The following DHRSX variants were observed in gnomAD, a reference collection of about 807,000 sequenced individuals.
DHRSX encodes the protein dehydrogenase/reductase X-linked.
Under a neutral mutation model 34.0 loss-of-function variants are expected in DHRSX, and 31 were observed. The ratio of observed to expected loss-of-function variants is 0.91; its 90% CI spans 0.69 to 1.23. The LOEUF is 1.23. Among genes scored for constraint, DHRSX ranks in the 50% most tolerant of loss-of-function variants. The pLI, the probability that DHRSX is intolerant of heterozygous loss-of-function variation, is 0.00. For missense variants in DHRSX, 414 were observed against 428.1 expected, an observed-to-expected ratio of 0.97 and a Z score of 0.29; for synonymous variants, 201 against 183.8, an observed-to-expected ratio of 1.09 and a Z score of -0.76.
chrX:2,448,515 G>T (rs77447338), intron 1 of DHRSX, among the ~76,000 whole-genome samples: 1 of 24,306 alleles, frequency 4.1e-5, no homozygotes, highest in Admixed American at 3.4e-4. Context: ...TTAGAGTTAA[G>T]GTTATGTGAA....
At chrX:2,359,784 G>A (rs768922806) in intron 3 of DHRSX, among the ~76,000 whole-genome samples, 7 of 152,270 alleles carry the variant, frequency 4.6e-5, no homozygotes, top group South Asian at 2.1e-4. Flanking sequence ...AAACATGGAT[G>A]GAGCTGGAGG....
intron 4 of DHRSX, among the ~76,000 whole-genome samples, chrX:2,286,152 T>C (rs1290647855): frequency 1.3e-5 from 2 of 151,176 alleles, no homozygotes; most frequent in African/African-American, 2.4e-5. Flanking sequence ...ATGCACAAAC[T>C]AAGGCATGCA....
At chrX:2,469,928 C>T (rs1424967556) in intron 1 of DHRSX, among the ~76,000 whole-genome samples, 1 of 152,088 alleles carries the variant, frequency 6.6e-6, no homozygotes, top group South Asian at 2.1e-4. Flanking sequence ...AGGAAATCAG[C>T]CCATCAATGG....
At chrX:2,361,530 G>A (rs1313384729) in intron 3 of DHRSX, among the ~76,000 whole-genome samples, 1 of 152,156 alleles carries the variant, frequency 6.6e-6, no homozygotes, top group African/African-American at 2.4e-5. Flanking sequence ...GTGGTTTATT[G>A]AGGTTCTTTG....
chrX:2,345,476 C>G (rs781273326), intron 3 of DHRSX, among the ~76,000 whole-genome samples: 7 of 151,762 alleles, frequency 4.6e-5, no homozygotes, highest in Non-Finnish European at 1.0e-4. Context: ...AACCTTGTCT[C>G]TACCAAAAAA....
chrX:2,463,155 C>G (rs767586103), intron 1 of DHRSX, among the ~76,000 whole-genome samples: 67 of 152,294 alleles, frequency 4.4e-4, no homozygotes, highest in African/African-American at 1.5e-3. Flanking sequence ...ATAAATGTCT[C>G]TAGTTTATAA....
At chrX:2,345,472 G>T (rs2042694384) in intron 3 of DHRSX, among the ~76,000 whole-genome samples, 1 of 151,702 alleles carries the variant, frequency 6.6e-6, no homozygotes, top group African/African-American at 2.4e-5. Context: ...GTGAAACCTT[G>T]TCTCTACCAA....
chrX:2,355,299 C>T (rs983764546), intron 3 of DHRSX, among the ~76,000 whole-genome samples: 69 of 152,180 alleles, frequency 4.5e-4, no homozygotes, highest in African/African-American at 1.6e-3. Flanking sequence ...ATTGCTTGAG[C>T]TCAGGAGTTT....
chrX:2,314,463 A>T (rs867622153), intron 3 of DHRSX, among the ~76,000 whole-genome samples: 2 of 84,096 alleles, frequency 2.4e-5, no homozygotes, highest in African/African-American at 1.6e-4. Context: ...GGGAGGAAGG[A>T]AGGGGAGAAG....
At chrX:2,475,315 AAC>A (rs1362334326) in intron 1 of DHRSX, among the ~76,000 whole-genome samples, 2 of 149,306 alleles carry the variant, frequency 1.3e-5, no homozygotes, top group Non-Finnish European at 3.0e-5. Flanking sequence ...TGCCACCAAG[AAC>A]ACAATGAAGA....
chrX:2,356,976 G>T (rs764084394), intron 3 of DHRSX, among the ~76,000 whole-genome samples: 1 of 152,256 alleles, frequency 6.6e-6, no homozygotes, highest in Admixed American at 6.5e-5. Context: ...AGGCGTAGGG[G>T]CTCACATCTG....
chrX:2,231,126 G>A (rs2015867205), intron 6 of DHRSX, among the ~76,000 whole-genome samples: 1 of 152,268 alleles, frequency 6.6e-6, no homozygotes, highest in East Asian at 1.9e-4. Flanking sequence ...CCACTCAAGG[G>A]AAGAAGTTTC....
chrX:2,485,141 C>G (rs1288362827), intron 1 of DHRSX, among the ~76,000 whole-genome samples: 2 of 152,160 alleles, frequency 1.3e-5, no homozygotes, highest in East Asian at 3.9e-4. Context: ...AATCCCACCA[C>G]TGTGCGGAAG....
intron 5 of DHRSX, among the ~76,000 whole-genome samples, chrX:2,266,400 A>T (rs1272760985): frequency 1.7e-5 from 2 of 116,480 alleles, no homozygotes; most frequent in South Asian, 2.9e-4. Flanking sequence ...GCACCAGTGT[A>T]CAGCAGATGC....
chrX:2,325,512 A>G (rs766767781), intron 3 of DHRSX, among the ~76,000 whole-genome samples: 42 of 152,204 alleles, frequency 2.8e-4, no homozygotes, highest in African/African-American at 8.7e-4. Flanking sequence ...AAGTAAGAAA[A>G]ACAGGACCGA....
rs35824420 is a variant in DHRSX, at chrX:2,328,079, C to CAAAAAAAAAAAAAAA, written c.287-36477_287-36476insTTTTTTTTTTTTTTT. On this transcript the variant is annotated intron_variant, in intron 3 of 6. Coordinates refer to ENST00000334651, the MANE Select transcript of DHRSX (RefSeq NM_145177.3). ...TGGGCGACAGAGCGAGACTCCGTCT[C>CAAAAAAAAAAAAAAA]AAAAAAAAAAAGAGGAGGAGATGAG... 1.0e-3 allele frequency among the ~76,000 whole-genome samples: 120 copies of CAAAAAAAAAAAAAAA among 118,484 alleles called. 3 individuals carry two copies. Among genetic ancestry groups the CAAAAAAAAAAAAAAA allele is most frequent in the South Asian group, 8.6e-3 (31 of 3,614 alleles). 77.7% of individuals were successfully genotyped at this position (118,484 alleles called of 152,430 possible).
At chrX:2,486,226 G>A (rs1334803943) in intron 1 of DHRSX, among the ~76,000 whole-genome samples, 2 of 152,094 alleles carry the variant, frequency 1.3e-5, no homozygotes, top group Admixed American at 6.5e-5. Context: ...CAAAACACCC[G>A]AAAGTACATC....
At chrX:2,314,193 G>C (rs1366233253) in intron 3 of DHRSX, among the ~76,000 whole-genome samples, 3 of 99,846 alleles carry the variant, frequency 3.0e-5, no homozygotes, top group Non-Finnish European at 5.9e-5. Flanking sequence ...AGGAGGGAAG[G>C]AGGGAAGGAA....
At chrX:2,383,847 G>A (rs1236109796) in intron 3 of DHRSX, among the ~76,000 whole-genome samples, 9 of 152,208 alleles carry the variant, frequency 5.9e-5, no homozygotes, top group African/African-American at 2.2e-4. Flanking sequence ...AAAGGGACTT[G>A]GATGGTCAGG....
Sources: allele counts gnomAD v4.1 joint callset (sites outside exome capture counted in the v4.1 genomes callset), GRCh38; gene constraint gnomAD v4.1.1; transcripts MANE v1.5; gene names NCBI Gene and HGNC (gene_info 2026-07-23, HGNC 2026-07-21).